ZDHHC17: variants seen among roughly 807,000 people sequenced by gnomAD.
The protein encoded by ZDHHC17 is zDHHC palmitoyltransferase 17.
A neutral mutation model predicts 90.3 loss-of-function variants in ZDHHC17; 40 were observed. That is an observed-to-expected ratio of 0.44 (90% CI 0.34 to 0.58). ZDHHC17 has a LOEUF of 0.58. Among genes scored for constraint, ZDHHC17 ranks in the 20% least tolerant of loss-of-function variants. ZDHHC17 has a pLI of 0.01. For missense variants in ZDHHC17, 614 were observed against 780.8 expected (o/e 0.79, Z 2.55); for synonymous variants, 235 against 252.4 (o/e 0.93, Z 0.65).
rs192468008 is a variant in ZDHHC17 at position 76,824,039 on chromosome 12, C to T, written c.897+1508C>T. On this transcript the variant is annotated intron_variant, in intron 8 of 16. Transcript: ENST00000426126. ...ACTTTGGAAAATCCCACAATATTGG[C>T]ACTTTCGTTTTGTTGAATGTGAATA... Among the ~76,000 whole-genome samples, 821 of 152,130 alleles carry T rather than the reference C, an allele frequency of 5.4e-3. 4 individuals are homozygous for T. Among genetic ancestry groups the T allele is most frequent in the Non-Finnish European group, 9.7e-3 (658 of 67,986 alleles).
intron 1 of ZDHHC17, among the ~76,000 whole-genome samples, chr12:76,796,172 T>G (rs766559670): frequency 2.6e-5 from 4 of 152,160 alleles, no homozygotes; most frequent in Non-Finnish European, 5.9e-5. Context: ...CTTGGTATGA[T>G]TAAGTATCAG....
chr12:76,767,748 T>C (rs942031903), intron 1 of ZDHHC17, among the ~76,000 whole-genome samples: 19 of 152,196 alleles, frequency 1.2e-4, no homozygotes, highest in African/African-American at 4.6e-4. Flanking sequence ...GGAGAAACCT[T>C]GTCTCTATTA....
intron 1 of ZDHHC17, among the ~76,000 whole-genome samples, chr12:76,774,327 T>TATAC (rs1565758088): frequency 6.6e-6 from 1 of 151,538 alleles, no homozygotes; most frequent in Non-Finnish European, 1.5e-5. Flanking sequence ...CACACATATA[T>TATAC]ATACATACAC....
intron 1 of ZDHHC17, among the ~76,000 whole-genome samples, chr12:76,775,743 T>C (rs1456138976): frequency 1.3e-5 from 2 of 152,196 alleles, no homozygotes; most frequent in African/African-American, 4.8e-5. Flanking sequence ...TAGTTAGCTG[T>C]TGTTTTATAA....
chr12:76,822,617 A>T, intron 8 of ZDHHC17, 86 bp downstream of exon 8: 5 of 1,099,438 alleles, frequency 4.5e-6, no homozygotes, highest in Middle Eastern at 2.3e-4. Context: ...TGCAGTGGCG[A>T]GATTTTGGCT....
chr12:76,777,425 C>T (rs948877435), intron 1 of ZDHHC17, among the ~76,000 whole-genome samples: 17 of 152,156 alleles, frequency 1.1e-4, no homozygotes, highest in African/African-American at 3.9e-4. Flanking sequence ...GATGTGTTAA[C>T]CATTCACCCA....
intron 7 of ZDHHC17, among the ~76,000 whole-genome samples, chr12:76,821,779 C>G (rs910313141): frequency 3.3e-5 from 5 of 152,058 alleles, no homozygotes; most frequent in Non-Finnish European, 7.4e-5. Flanking sequence ...CATTTTATTC[C>G]TATCATGTAA....
intron 10 of ZDHHC17, among the ~76,000 whole-genome samples, chr12:76,830,312 T>C (rs534960026): frequency 6.6e-6 from 1 of 152,326 alleles, no homozygotes; most frequent in South Asian, 2.1e-4. Context: ...TAAGTCCCCT[T>C]GTGTTTTAGT....
At chr12:76,849,539 T>TACATATC in intron 16 of ZDHHC17, 69 bp downstream of exon 16, 1 of 900,470 alleles carries the variant, frequency 1.1e-6, no homozygotes, top group Non-Finnish European at 1.7e-6. Context: ...CAGACTCTTT[T>TACATATC]ACTTAGTGAT....
intron 2 of ZDHHC17, among the ~76,000 whole-genome samples, chr12:76,798,345 A>G (rs1952848049): frequency 1.3e-5 from 2 of 152,320 alleles, no homozygotes; most frequent in South Asian, 4.1e-4. Context: ...AGTATATGGA[A>G]GTTGAAATAA....
At chr12:76,783,461 T>C (rs1360895574) in intron 1 of ZDHHC17, among the ~76,000 whole-genome samples, 5 of 152,166 alleles carry the variant, frequency 3.3e-5, no homozygotes, top group Non-Finnish European at 7.3e-5. Context: ...AACTGTCTAT[T>C]TATGAACTCA....
At position 76,809,048 on chromosome 12, in the gene ZDHHC17, ATATT is replaced by A. The variant is rs763795132; in HGVS notation, c.328_331del (p.Ile110ArgfsTer13). The A allele has an allele frequency of 6.6e-7, 1 of 1,523,140 alleles. No homozygotes were observed. The allele number at this position is 1,523,140 out of a possible 1,614,324, so 94.4% of individuals were successfully genotyped here. On this transcript the variant is annotated frameshift_variant, in exon 4 of 17. Transcript: ENST00000426126. LOFTEE classifies it high-confidence loss of function. ...TTATAAATTTTGTCTTATAGATACT[ATATT>A]TCGAAAGGTGCTATTGTGGATCAAC...
At chr12:76,805,077 A>G (rs1363523387) in intron 2 of ZDHHC17, among the ~76,000 whole-genome samples, 3 of 152,104 alleles carry the variant, frequency 2.0e-5, no homozygotes, top group Admixed American at 1.3e-4. Context: ...TATTTCTGGT[A>G]TACTTTTTTC....
chr12:76,789,397 C>T (rs900959979), intron 1 of ZDHHC17, among the ~76,000 whole-genome samples: 1 of 152,104 alleles, frequency 6.6e-6, no homozygotes, highest in Non-Finnish European at 1.5e-5. Context: ...TAGGGGAAGA[C>T]AGAGAAGAGG....
rs189632478 is a variant in ZDHHC17, at chr12:76,791,555, C to T, written c.94-5879C>T. Among the ~76,000 whole-genome samples, 364 of 152,138 alleles carry T rather than the reference C, an allele frequency of 2.4e-3. 1 individual carries two copies. The highest frequency in any genetic ancestry group is 4.0e-3 in the Non-Finnish European group (275 of 68,002). On this transcript the variant is annotated intron_variant, in intron 1 of 16. Transcript: ENST00000426126. ...AGAATTTAGAAATGAATCAAGTACC[C>T]GTAGAGACCCAAAATACCATAAATT...
Position 76,809,843 on chromosome 12 carries a change from A to G in ZDHHC17, c.529A>G (p.Ile177Val), listed in dbSNP as rs200494858. 118 of 1,605,014 alleles carry G rather than the reference A, an allele frequency of 7.4e-5. No individual in the cohort carries two copies. In the African/African-American group the frequency reaches 1.3e-3, roughly 18 times the overall value. Residue 177 changes from isoleucine to valine, a missense_variant, in exon 5 of 17, where the codon ATA becomes GTA. Physicochemically the swap from Ile to Val is conservative, Grantham distance 29. Around this residue, in one of 5 missense-constraint regions of ZDHHC17, gnomAD observed 358 missense variants for 380.4 expected, o/e 0.94. Coordinates refer to ENST00000426126, the MANE Select transcript of ZDHHC17 (RefSeq NM_015336.4). ...FGHTSIVAYL[I>V]AKGQDVDMMD... The stretch of plus-strand genomic sequence containing the variant: ...ACATACCTCAATTGTTGCTTATCTC[A>G]TAGCAAAAGGACAGGTAAAAAAAAT...
chr12:76,796,216 T>C (rs1952817870), intron 1 of ZDHHC17, among the ~76,000 whole-genome samples: 1 of 152,168 alleles, frequency 6.6e-6, no homozygotes, highest in Non-Finnish European at 1.5e-5. Flanking sequence ...AGAGAGCATA[T>C]ATTGTTCTAA....
intron 1 of ZDHHC17, among the ~76,000 whole-genome samples, chr12:76,765,831 G>C (rs1206171697): frequency 6.6e-6 from 1 of 152,122 alleles, no homozygotes; most frequent in Non-Finnish European, 1.5e-5. Flanking sequence ...CTCCTGAGTA[G>C]CTGTGACCAC....
chr12:76,830,326 AAC>A (rs1376648475), intron 10 of ZDHHC17, among the ~76,000 whole-genome samples: 1 of 152,166 alleles, frequency 6.6e-6, no homozygotes, highest in Non-Finnish European at 1.5e-5. Context: ...TTTTAGTTGA[AAC>A]ACAAAATGTG....
Sources: gnomAD v4.1 joint callset for allele counts (sites outside exome capture counted in the v4.1 genomes callset) on GRCh38, gnomAD v4.1.1 for gene constraint, gnomAD v4.1.1 regional missense constraint, MANE v1.5 for transcripts, NCBI Gene and HGNC (gene_info 2026-07-23, HGNC 2026-07-21) for gene names.